NMNAT2: variants seen among roughly 807,000 people sequenced by gnomAD.
NMNAT2 encodes nicotinamide nucleotide adenylyltransferase 2, also known as nicotinamide/nicotinic acid mononucleotide adenylyltransferase 2.
A neutral mutation model predicts 41.6 loss-of-function variants in NMNAT2; 11 were observed. The ratio of observed to expected loss-of-function variants is 0.26; its 90% CI spans 0.17 to 0.44. The LOEUF is 0.44. Among genes scored for constraint, NMNAT2 ranks in the 20% least tolerant of loss-of-function variants. NMNAT2 has a pLI of 1.00. For synonymous variants in NMNAT2, 148 were observed against 151.2 expected (o/e 0.98, Z 0.16); for missense variants, 288 against 407.7 (o/e 0.71, Z 2.53).
intron 1 of NMNAT2, among the ~76,000 whole-genome samples, chr1:183,335,667 A>T (rs1054969571): frequency 6.6e-6 from 1 of 152,204 alleles, no homozygotes; most frequent in African/African-American, 2.4e-5. Context: ...TTAGTTGATC[A>T]TGCCTTTGTG....
intron 10 of NMNAT2, among the ~76,000 whole-genome samples, chr1:183,254,699 C>T (rs944150518): frequency 1.3e-5 from 2 of 152,296 alleles, no homozygotes; most frequent in Non-Finnish European, 2.9e-5. Flanking sequence ...AGCCTCCCAG[C>T]GTGCTGGGAT....
At chr1:183,366,927 G>GTTT (rs758587008) in intron 1 of NMNAT2, among the ~76,000 whole-genome samples, 7 of 152,084 alleles carry the variant, frequency 4.6e-5, no homozygotes, top group Non-Finnish European at 2.9e-5. Context: ...TTCACTGGGG[G>GTTT]TATCTTTATC....
intron 4 of NMNAT2, among the ~76,000 whole-genome samples, chr1:183,287,755 A>G (rs149172133): frequency 0.011 from 1,652 of 151,894 alleles, 10 homozygotes; most frequent in Middle Eastern, 0.024. Flanking sequence ...CCCACCACCC[A>G]CTCCTGCACG....
At chr1:183,361,807 C>G (rs1320334987) in intron 1 of NMNAT2, among the ~76,000 whole-genome samples, 1 of 152,162 alleles carries the variant, frequency 6.6e-6, no homozygotes, top group Non-Finnish European at 1.5e-5. Flanking sequence ...TTGTGTCAGT[C>G]ATTTTATTTT....
chr1:183,256,883 C>T (rs1660528134), intron 10 of NMNAT2, among the ~76,000 whole-genome samples: 1 of 152,092 alleles, frequency 6.6e-6, no homozygotes, highest in African/African-American at 2.4e-5. Flanking sequence ...TCCCAAGTAG[C>T]TGGGATTACA....
chr1:183,264,689 T>C (rs1379322810), intron 8 of NMNAT2, among the ~76,000 whole-genome samples: 1 of 152,178 alleles, frequency 6.6e-6, no homozygotes, highest in African/African-American at 2.4e-5. Context: ...TGTGTGCATG[T>C]GTGTGTGGGT....
chr1:183,253,785 C>T (rs1571551913), intron 10 of NMNAT2, among the ~76,000 whole-genome samples: 1 of 152,130 alleles, frequency 6.6e-6, no homozygotes, highest in Admixed American at 6.6e-5. Context: ...TAAGTGAAAT[C>T]ATGCAATATT....
intron 1 of NMNAT2, among the ~76,000 whole-genome samples, chr1:183,405,677 A>G (rs1281238055): frequency 6.6e-6 from 1 of 152,152 alleles, no homozygotes; most frequent in African/African-American, 2.4e-5. Context: ...AGCTCTTTTT[A>G]TTTTTATTGT....
chr1:183,337,569 C>CAAAAAAA (rs71127343), intron 1 of NMNAT2, among the ~76,000 whole-genome samples: 10 of 100,626 alleles, frequency 9.9e-5, no homozygotes, highest in Admixed American at 2.3e-4. Flanking sequence ...CTCTCCACAG[C>CAAAAAAA]AAAAAAAAAA....
chr1:183,365,750 G>C (rs898968739), intron 1 of NMNAT2, among the ~76,000 whole-genome samples: 2 of 151,986 alleles, frequency 1.3e-5, no homozygotes, highest in African/African-American at 4.8e-5. Context: ...AAAAAAAAAG[G>C]AACAGTGACA....
At chr1:183,253,294 TA>T (rs1337857468) in intron 10 of NMNAT2, among the ~76,000 whole-genome samples, 1 of 148,026 alleles carries the variant, frequency 6.8e-6, no homozygotes, top group Non-Finnish European at 1.5e-5. Flanking sequence ...ATAATAGTGT[TA>T]ATATTATATT....
intron 1 of NMNAT2, among the ~76,000 whole-genome samples, chr1:183,416,140 C>T (rs998860480): frequency 3.3e-5 from 5 of 152,308 alleles, no homozygotes; most frequent in Non-Finnish European, 5.9e-5. Context: ...GGTCAGCATT[C>T]GCTTAACAAA....
rs188864112 is a variant in NMNAT2, at chr1:183,292,855, G to A, written c.177C>T (p.Gly59=). 6.2e-7 allele frequency: 1 copy of A among 1,613,992 alleles called. No homozygotes were observed. The highest frequency in any genetic ancestry group is 1.7e-5 in the Admixed American group (1 of 60,004). ...SPVHDSYGKQ[G]LVSSRHRLIM... ...TGAGACGGTGCCGGCTTGACACGAG[G>A]CCCTGGGAAGCAACAGAGCAATCAT... is the stretch of plus-strand genomic sequence containing the variant. The change falls in exon 3 of 11, where the codon GGC becomes GGT. Residue 59 remains glycine (G), a splice_region_variant and synonymous_variant. Coordinates refer to ENST00000287713, the MANE Select transcript of NMNAT2 (RefSeq NM_015039.4).
At chr1:183,260,782 GAACTCCA>G (rs1394186377) in intron 10 of NMNAT2, among the ~76,000 whole-genome samples, 1 of 133,192 alleles carries the variant, frequency 7.5e-6, no homozygotes, top group East Asian at 2.2e-4. Flanking sequence ...TTGCGCCATT[GAACTCCA>G]GCCTGGGCAA....
chr1:183,252,562 G>C lies in NMNAT2; in HGVS notation c.*79C>G. On this transcript the variant is annotated 3_prime_UTR_variant, in exon 11 of 11. Transcript: ENST00000287713. ...GGAAAACAGTCAAGACGAGGAGATG[G>C]AGAAACAGAGAGGCAGGAGAGAAAC... The C allele has an allele frequency of 2.0e-6, 2 of 1,022,654 alleles. No individual in the cohort carries two copies. The highest frequency in any genetic ancestry group is 3.1e-6 in the Non-Finnish European group (2 of 640,990). The allele number at this position is 1,022,654 out of a possible 1,614,324, so 63.3% of individuals were successfully genotyped here.
intron 1 of NMNAT2, among the ~76,000 whole-genome samples, chr1:183,406,825 T>C (rs910911585): frequency 1.9e-3 from 279 of 146,526 alleles, no homozygotes; most frequent in Non-Finnish European, 3.3e-3. Context: ...TTTTTTTTTT[T>C]TTTTTTTTTT....
chr1:183,280,833 G>A (rs1454595261), intron 7 of NMNAT2, among the ~76,000 whole-genome samples: 1 of 126,326 alleles, frequency 7.9e-6, no homozygotes, highest in Non-Finnish European at 1.6e-5. Flanking sequence ...TGCCCAGGCT[G>A]GAGTGCAATG....
chr1:183,320,869 T>C (rs1360137765), intron 1 of NMNAT2, among the ~76,000 whole-genome samples: 4 of 152,212 alleles, frequency 2.6e-5, no homozygotes, highest in Admixed American at 2.6e-4. Flanking sequence ...AAAAGGGAAG[T>C]AGGGGAGATT....
At chr1:183,332,661 G>A (rs940626667) in intron 1 of NMNAT2, among the ~76,000 whole-genome samples, 1 of 152,030 alleles carries the variant, frequency 6.6e-6, no homozygotes, top group African/African-American at 2.4e-5. Flanking sequence ...CCAAAAAGAC[G>A]CTTGCCTGCC....
Sources: allele counts gnomAD v4.1 joint callset (sites outside exome capture counted in the v4.1 genomes callset), GRCh38; gene constraint gnomAD v4.1.1; transcripts MANE v1.5; gene names NCBI Gene and HGNC (gene_info 2026-07-23, HGNC 2026-07-21).